Variants in GSE1 observed in about 807,000 individuals in gnomAD.
The protein encoded by GSE1 is Gse1 coiled-coil protein.
Under a neutral mutation model 112.6 loss-of-function variants are expected in GSE1, and 32 were observed. The ratio of observed to expected loss-of-function variants is 0.28; its 90% CI spans 0.21 to 0.38. The LOEUF is 0.38. GSE1 is among the 10% of genes least tolerant of loss of function. The probability of loss-of-function intolerance (pLI) is 1.00; values close to 1 mark genes in which losing one functional copy is unlikely to be tolerated. For synonymous variants in GSE1, 1,115 were observed against 735.6 expected (o/e 1.52, Z -8.35); for missense variants, 2,348 against 1,699.2 (o/e 1.38, Z -6.71).
At chr16:85,644,218 AGTCCCG>A (rs1171528403) in intron 2 of GSE1, among the ~76,000 whole-genome samples, 7 of 152,078 alleles carry the variant, frequency 4.6e-5, no homozygotes, top group Non-Finnish European at 1.0e-4. Flanking sequence ...ACGTGCCTTT[AGTCCCG>A]GCTCCTCAGG....
chr16:85,514,039 C>G (rs897521498), intron 2 of GSE1, among the ~76,000 whole-genome samples: 6 of 152,132 alleles, frequency 3.9e-5, no homozygotes, highest in African/African-American at 1.4e-4. Context: ...AGACCCCAGG[C>G]TCCCCGGGTG....
rs1555559851 is a variant in GSE1, at chr16:85,312,204, C to CGGGA, written c.2284-45256_2284-45255insAGGG. ...CTCTGTGGTCTCTCTGATCCTCTTGCGGGGGGGGGGGGGACACACTTACCC... is the reference window on the plus strand; with the variant it reads ...CTCTGTGGTCTCTCTGATCCTCTTGCGGGAGGGGGGGGGGGGGACACACTTACCC... On this transcript the variant is annotated intron_variant, in intron 1 of 2. Coordinates refer to the GSE1 transcript ENST00000637419. 7.2e-4 allele frequency among the ~76,000 whole-genome samples: 40 copies of CGGGA among 55,792 alleles called. 2 individuals carry two copies. Among genetic ancestry groups the CGGGA allele is most frequent in the Admixed American group, 2.0e-3 (13 of 6,442 alleles). 36.6% of individuals were successfully genotyped at this position (55,792 alleles called of 152,430 possible).
At chr16:85,572,914 G>A (rs2046068749) in intron 1 of GSE1, among the ~76,000 whole-genome samples, 1 of 152,222 alleles carries the variant, frequency 6.6e-6, no homozygotes, top group African/African-American at 2.4e-5. Flanking sequence ...CTGTCGCCCA[G>A]ACTGGAGTGC....
At chr16:85,547,670 C>T (rs1212053067) in intron 2 of GSE1, among the ~76,000 whole-genome samples, 1 of 150,502 alleles carries the variant, frequency 6.6e-6, no homozygotes, top group South Asian at 2.1e-4. Flanking sequence ...CACCTGAAGT[C>T]AGGAGTTCGA....
intron 1 of GSE1, among the ~76,000 whole-genome samples, chr16:85,603,901 T>A (rs2151493329): frequency 6.6e-6 from 1 of 152,366 alleles, no homozygotes; most frequent in Admixed American, 6.5e-5. Context: ...ACATTCCTAA[T>A]ATGCAGCCCT....
rs1381963114 is a variant in GSE1, at chr16:85,663,330, C to G, written c.2374-14C>G. ...CAGTGGCTTCAAACTCATTTGTTTT[C>G]TTTCCCAATCTAGAAGCTAGAGTTT... On this transcript the variant is annotated splice_polypyrimidine_tract_variant and intron_variant, in intron 10 of 15. Coordinates refer to ENST00000253458, the MANE Select transcript of GSE1 (RefSeq NM_014615.5). 1.4e-5 allele frequency: 23 copies of G among 1,612,918 alleles called. No individual in the cohort carries two copies. The highest frequency in any genetic ancestry group is 1.9e-5 in the Non-Finnish European group (22 of 1,179,684).
intron 1 of GSE1, among the ~76,000 whole-genome samples, chr16:85,274,866 G>A (rs546538680): frequency 5.3e-5 from 8 of 152,362 alleles, no homozygotes; most frequent in Non-Finnish European, 1.0e-4. Context: ...GCTCAGTCCT[G>A]GACCCTGCAG....
At position 85,407,905 on chromosome 16, in the gene GSE1, T is replaced by G. The variant is rs1197284139; in HGVS notation, c.2464+50262T>G. 6.6e-5 allele frequency among the ~76,000 whole-genome samples: 2 copies of G among 30,280 alleles called. 1 individual carries two copies. Among genetic ancestry groups the G allele is most frequent in the Admixed American group, 5.8e-4 (2 of 3,436 alleles). The allele number at this position is 30,280 out of a possible 152,430, so 19.9% of individuals were successfully genotyped here. A position where few individuals can be genotyped will look rare whatever the true frequency, so the allele number is the denominator to read the frequency against. On this transcript the variant is annotated intron_variant, in intron 2 of 2. Transcript: ENST00000637419. ...CTCACCGTTACACTCAGGGCCCCCC[T>G]GGATAATCCTCACCGTTACTCTCAG...
intron 1 of GSE1, among the ~76,000 whole-genome samples, chr16:85,218,307 G>A (rs1187483736): frequency 6.6e-6 from 1 of 152,190 alleles, no homozygotes; most frequent in Non-Finnish European, 1.5e-5. Context: ...TGAGCCCCAA[G>A]TCCGTGTGTT....
chr16:85,188,609 C>T (rs949956272), intron 1 of GSE1, among the ~76,000 whole-genome samples: 1 of 151,814 alleles, frequency 6.6e-6, no homozygotes, highest in Non-Finnish European at 1.5e-5. Context: ...AAAGACTAGC[C>T]TGGGCAACAT....
At chr16:85,662,658 C>A (rs1175086204) in intron 9 of GSE1, 3 of 316,244 alleles carry the variant, frequency 9.5e-6, no homozygotes, top group Admixed American at 4.7e-5. Flanking sequence ...ACAAGCAGCC[C>A]TGTGTTGCCG....
intron 2 of GSE1, among the ~76,000 whole-genome samples, chr16:85,369,330 C>G (rs1296236089): frequency 1.3e-5 from 2 of 152,156 alleles, no homozygotes; most frequent in East Asian, 3.9e-4. Context: ...GATCCTCCCA[C>G]TTTAGCCTCC....
At chr16:85,219,309 C>T (rs1302397135) in intron 1 of GSE1, among the ~76,000 whole-genome samples, 4 of 152,198 alleles carry the variant, frequency 2.6e-5, no homozygotes, top group South Asian at 2.1e-4. Context: ...CCACCGTGCC[C>T]GGCCAAAAGG....
At chr16:85,651,193 G>C (rs2051322689) in intron 3 of GSE1, among the ~76,000 whole-genome samples, 1 of 151,748 alleles carries the variant, frequency 6.6e-6, no homozygotes, top group South Asian at 2.1e-4. Flanking sequence ...GGAGACGGCA[G>C]TGAGACCCCG....
intron 2 of GSE1, among the ~76,000 whole-genome samples, chr16:85,518,102 C>T (rs1243850227): frequency 2.0e-5 from 3 of 152,212 alleles, no homozygotes; most frequent in East Asian, 1.9e-4. Context: ...AGCCGGCCAG[C>T]GCCAGCCAGG....
At chr16:85,329,084 C>T (rs569406426) in intron 1 of GSE1, among the ~76,000 whole-genome samples, 2 of 152,186 alleles carry the variant, frequency 1.3e-5, no homozygotes, top group Non-Finnish European at 2.9e-5. Flanking sequence ...TGTTCTAACA[C>T]TTGAACTCTG....
chr16:85,370,184 C>G (rs1305427522), intron 2 of GSE1, among the ~76,000 whole-genome samples: 2 of 152,136 alleles, frequency 1.3e-5, no homozygotes, highest in African/African-American at 4.8e-5. Flanking sequence ...AAAGCCAAGC[C>G]CTGGGGCTGC....
At chr16:85,194,132 C>T (rs1464640606) in intron 1 of GSE1, among the ~76,000 whole-genome samples, 1 of 152,170 alleles carries the variant, frequency 6.6e-6, no homozygotes, top group Non-Finnish European at 1.5e-5. Context: ...ACTCTGACTC[C>T]ACGCCCCTGA....
intron 2 of GSE1, among the ~76,000 whole-genome samples, chr16:85,466,193 G>A (rs2050115958): frequency 6.6e-6 from 1 of 152,220 alleles, no homozygotes; most frequent in African/African-American, 2.4e-5. Context: ...GCCAGGTCGT[G>A]GTAACCTGGC....
Sources: allele counts gnomAD v4.1 joint callset (sites outside exome capture counted in the v4.1 genomes callset), GRCh38; gene constraint gnomAD v4.1.1; transcripts MANE v1.5; gene names NCBI Gene and HGNC (gene_info 2026-07-23, HGNC 2026-07-21).